GEMIN5: variants seen among roughly 807,000 people sequenced by gnomAD.
GEMIN5 encodes the protein gem-associated protein 5.
In GEMIN5, 124 loss-of-function variants were observed where a neutral mutation model predicts 176.9. The observed-to-expected ratio is 0.70, with a 90% CI of 0.61 to 0.81. GEMIN5 has a LOEUF of 0.81. Among genes scored for constraint, GEMIN5 ranks in the 40% least tolerant of loss-of-function variants. GEMIN5 has a pLI of 0.00. For synonymous variants in GEMIN5, 673 were observed against 665.2 expected, an observed-to-expected ratio of 1.01 and a Z score of -0.18; for missense variants, 1,843 against 1,814.6, an observed-to-expected ratio of 1.02 and a Z score of -0.28.
Position 154,889,427 on chromosome 5 carries a change from A to C in GEMIN5, c.4263-10T>G, listed in dbSNP as rs577227116. The stretch of plus-strand genomic sequence containing the variant: ...ATTTTTTTCTTCTTTACTAGTGAAA[A>C]AAATAAAAGGTGTAAATTGTATGTC... On this transcript the variant is annotated splice_polypyrimidine_tract_variant and intron_variant, in intron 26 of 27. Transcript: ENST00000285873. 26 of 1,503,244 alleles carry C rather than the reference A, an allele frequency of 1.7e-5. 1 individual carries two copies. In the South Asian group the frequency reaches 2.8e-4, roughly 16 times the overall value. The allele number at this position is 1,503,244 out of a possible 1,614,324, so 93.1% of individuals were successfully genotyped here. A position where few individuals can be genotyped will look rare whatever the true frequency, so the allele number is the denominator to read the frequency against.
chr5:154,902,621 C>A lies in GEMIN5; in HGVS notation c.2784G>T (p.Trp928Cys), dbSNP rs149158951. 2.9e-5 allele frequency: 47 copies of A among 1,613,898 alleles called. No individual in the cohort carries two copies. The highest frequency in any genetic ancestry group is 3.6e-5 in the Non-Finnish European group (42 of 1,179,884). ...HPELFHQLML[W>C]KGDLKGVLQT... The stretch of plus-strand genomic sequence containing the variant: ...GGAGAACACCTTTGAGATCTCCTTT[C>A]CAAAGCATAAGCTGGTGAAATAACT... The change falls in exon 20 of 28, where the codon TGG (tryptophan) becomes TGT (cysteine). Residue 928 changes from tryptophan (W) to cysteine (C), a missense_variant. Physicochemically the swap from Trp to Cys is radical, Grantham distance 215. Coordinates refer to ENST00000285873, the MANE Select transcript of GEMIN5 (RefSeq NM_015465.5).
At chr5:154,910,941 G>A (rs555948262) in intron 15 of GEMIN5, among the ~76,000 whole-genome samples, 2 of 151,612 alleles carry the variant, frequency 1.3e-5, no homozygotes, top group Non-Finnish European at 2.9e-5. Flanking sequence ...CTTGTGATCC[G>A]CCCATCTCGG....
In GEMIN5 at chr5:154,931,672, TC is replaced by T. The variant is rs555237961; in HGVS notation, c.662-96del. The T allele has an allele frequency of 3.1e-5, 32 of 1,017,168 alleles. No individual in the cohort carries two copies. In the South Asian group the frequency reaches 4.7e-4, roughly 15 times the overall value. The allele number at this position is 1,017,168 out of a possible 1,614,324, so 63.0% of individuals were successfully genotyped here. A position where few individuals can be genotyped will look rare whatever the true frequency, so the allele number is the denominator to read the frequency against. On this transcript the variant is annotated intron_variant, in intron 4 of 27. Coordinates refer to ENST00000285873, the MANE Select transcript of GEMIN5 (RefSeq NM_015465.5). The stretch of plus-strand genomic sequence containing the variant: ...CAAGAGTTTCCAAAACTTAGCTATC[TC>T]TTTCATAGGTCTGAACTATAAAATT...
At chr5:154,930,654 A>C (rs1764141570) in intron 5 of GEMIN5, among the ~76,000 whole-genome samples, 2 of 152,196 alleles carry the variant, frequency 1.3e-5, no homozygotes, top group Non-Finnish European at 2.9e-5. Context: ...AAAATCATAG[A>C]GCTGAAAGCA....
At chr5:154,896,753 T>C (rs1276225948) in intron 23 of GEMIN5, among the ~76,000 whole-genome samples, 1 of 152,142 alleles carries the variant, frequency 6.6e-6, no homozygotes. Flanking sequence ...CCAAAGGTGC[T>C]GGAATAGACA....
rs192531794 is a variant in GEMIN5 at position 154,921,522 on chromosome 5, A to G, written c.1380-97T>C. 7.6e-6 allele frequency: 5 copies of G among 661,526 alleles called. No individual in the cohort carries two copies. In the South Asian group the frequency reaches 9.0e-5, roughly 12 times the overall value. 41.0% of individuals were successfully genotyped at this position (661,526 alleles called of 1,614,324 possible). ...TTTCTAAAAGGTCCCCATTATAAACATAACTACTAATAATTGGAGAAAAAT... is the reference window on the plus strand; with the variant it reads ...TTTCTAAAAGGTCCCCATTATAAACGTAACTACTAATAATTGGAGAAAAAT... On this transcript the variant is annotated intron_variant, in intron 9 of 27. Transcript: ENST00000285873.
chr5:154,889,374 T>A lies in GEMIN5; in HGVS notation c.4306A>T (p.Lys1436Ter), dbSNP rs1159643385. The change falls in exon 27 of 28, where the codon AAA becomes TAA. Residue 1436 changes from lysine (K) to a stop codon, truncating the protein, a stop_gained. Transcript: ENST00000285873. LOFTEE classifies it high-confidence loss of function. ...CTCTGATTTGCCTCGGTAAGCCTTT[T>A]GGTTAACTCAGGCAGAGAAAGTGGC... ...NEPLSLPELTKRLTEANQRMA... is the reference protein window; with the variant it reads ...NEPLSLPELT 1 of 1,611,312 alleles carries A rather than the reference T, an allele frequency of 6.2e-7. No homozygotes were observed. The highest frequency in any genetic ancestry group is 1.1e-5 in the South Asian group (1 of 91,018).
intron 14 of GEMIN5, among the ~76,000 whole-genome samples, chr5:154,912,286 C>A (rs770904372): frequency 6.6e-6 from 1 of 152,204 alleles, no homozygotes; most frequent in South Asian, 2.1e-4. Flanking sequence ...TTGTCTCCAA[C>A]TCCTTGAGTA....
Position 154,925,865 on chromosome 5 carries a change from T to C in GEMIN5, c.1290A>G (p.Thr430=), listed in dbSNP as rs764015869. 9 of 1,590,412 alleles carry C rather than the reference T, an allele frequency of 5.7e-6. No homozygotes were observed. The highest frequency in any genetic ancestry group is 4.4e-5 in the South Asian group (4 of 90,302). Residue 430 remains threonine (T), a synonymous_variant, in exon 8 of 28, where the codon ACA becomes ACG. Coordinates refer to ENST00000285873, the MANE Select transcript of GEMIN5 (RefSeq NM_015465.5). ...NFWQGVKSKV[T]ALCWHPTKEG... Reference sequence around the variant, plus strand: ...AGCTCAAAAAAAGAATCCTTACCGCTGTAACCTTGGACTTCACGCCTTGCC... The same window carrying C: ...AGCTCAAAAAAAGAATCCTTACCGCCGTAACCTTGGACTTCACGCCTTGCC...
intron 13 of GEMIN5, among the ~76,000 whole-genome samples, chr5:154,913,641 C>A (rs1171762816): frequency 6.6e-6 from 1 of 151,860 alleles, no homozygotes; most frequent in Non-Finnish European, 1.5e-5. Context: ...CTGTGGAAAC[C>A]CTGACTCTAA....
chr5:154,932,147 G>C lies in GEMIN5; in HGVS notation c.613C>G (p.Pro205Ala). Residue 205 changes from proline (P) to alanine (A), a missense_variant, in exon 4 of 28, where the codon CCC (proline) becomes GCC (alanine). Pro to Ala is a conservative substitution (Grantham distance 27). Coordinates refer to ENST00000285873, the MANE Select transcript of GEMIN5 (RefSeq NM_015465.5). ...DDEIHSIAWCPLPGEDCLSIN... is the reference protein window; with the variant it reads ...DDEIHSIAWCALPGEDCLSIN... ...GATAAACAATCTTCACCAGGCAGGG[G>C]ACACCAGGCTATGGAGTGGATTTCA... The C allele has an allele frequency of 1.9e-6, 3 of 1,613,544 alleles. No homozygotes were observed. Among genetic ancestry groups the C allele is most frequent in the Non-Finnish European group, 2.5e-6 (3 of 1,179,434 alleles).
In GEMIN5 at chr5:154,905,372, CT is replaced by C; in HGVS notation, c.2499del (p.Glu834ArgfsTer6). The stretch of plus-strand genomic sequence containing the variant: ...ATTACTAGATACCAACCTGGCTTCT[CT>C]TTTGGTGGCTCCTTTTTCAGTAAAA... ...KVILLKKEPP[K>X]EKPETLIKKR... On this transcript the variant is annotated frameshift_variant, in exon 17 of 28. Coordinates refer to ENST00000285873, the MANE Select transcript of GEMIN5 (RefSeq NM_015465.5). LOFTEE classifies it high-confidence loss of function. 1.9e-6 allele frequency: 3 copies of C among 1,574,224 alleles called. No individual in the cohort carries two copies. Among genetic ancestry groups the C allele is most frequent in the Non-Finnish European group, 2.6e-6 (3 of 1,149,726 alleles).
Position 154,932,105 on chromosome 5 carries a change from T to C in GEMIN5, c.655A>G (p.Thr219Ala), listed in dbSNP as rs150536772. Residue 219 changes from threonine to alanine, a missense_variant, in exon 4 of 28, where the codon ACT (threonine) becomes GCT (alanine). Physicochemically the swap from Thr to Ala is moderately conservative, Grantham distance 58. Transcript: ENST00000285873. ...EDCLSINQEE[T>A]SEEAEITNGN... ...TCCCTTAAACCATCTCTACCTGAAG[T>C]TTCCTCTTGGTTTATAGATAAACAA... 12 of 1,612,362 alleles carry C rather than the reference T, an allele frequency of 7.4e-6. No homozygotes were observed. The East Asian group carries it at 2.7e-4, about 36-fold the overall frequency.
intron 13 of GEMIN5, 136 bp from the exon 14 acceptor site, chr5:154,913,174 T>TG (rs1763739738): frequency 5.7e-6 from 4 of 707,342 alleles, no homozygotes; most frequent in Non-Finnish European, 8.9e-6. Flanking sequence ...TTTTTTGAGA[T>TG]GGAGTTTCGC....
rs1764287840 is a variant in GEMIN5 at position 154,937,201 on chromosome 5, G to A, written c.167-16C>T. On this transcript the variant is annotated splice_polypyrimidine_tract_variant and intron_variant, in intron 1 of 27. Coordinates refer to ENST00000285873, the MANE Select transcript of GEMIN5 (RefSeq NM_015465.5). Reference sequence around the variant, plus strand: ...TCTCCTATGACTTTAAGCAAAACCAGACGCTAGGTTAATCGAAGTGCTATC... The same window carrying A: ...TCTCCTATGACTTTAAGCAAAACCAAACGCTAGGTTAATCGAAGTGCTATC... 3 of 1,583,288 alleles carry A rather than the reference G, an allele frequency of 1.9e-6. No homozygotes were observed. Among genetic ancestry groups the A allele is most frequent in the Admixed American group, 1.8e-5 (1 of 56,480 alleles).
chr5:154,905,299 G>T, intron 17 of GEMIN5, 64 bp downstream of exon 17: 1 of 701,688 alleles, frequency 1.4e-6, no homozygotes, highest in Non-Finnish European at 2.5e-6. Flanking sequence ...ACAGTTGCGT[G>T]TAATATATGT....
At chr5:154,894,851 G>A (rs991022901) in intron 24 of GEMIN5, among the ~76,000 whole-genome samples, 1 of 151,882 alleles carries the variant, frequency 6.6e-6, no homozygotes, top group Non-Finnish European at 1.5e-5. Context: ...AGATTGCAGT[G>A]AGCCAAGATC....
chr5:154,913,012 T>C lies in GEMIN5; in HGVS notation c.1882A>G (p.Ile628Val), dbSNP rs1763735166. Residue 628 changes from isoleucine to valine, a missense_variant, in exon 14 of 28, where the codon ATT (isoleucine) becomes GTT (valine). Coordinates refer to ENST00000285873, the MANE Select transcript of GEMIN5 (RefSeq NM_015465.5). ...GAGAGGGTCCGGTAGGGCTCTGTAA[T>C]GGTCACTGGAGACTCAGGGCTGCTC... ...IESSPESPVT[I>V]TEPYRTLSGH... 1 of 1,613,658 alleles carries C rather than the reference T, an allele frequency of 6.2e-7. No individual in the cohort carries two copies. The highest frequency in any genetic ancestry group is 8.5e-7 in the Non-Finnish European group (1 of 1,179,698).
chr5:154,934,937 T>C (rs1199939934), intron 3 of GEMIN5, among the ~76,000 whole-genome samples: 2 of 151,200 alleles, frequency 1.3e-5, no homozygotes, highest in Non-Finnish European at 2.9e-5. Flanking sequence ...AATACCAGAA[T>C]AGAACACCTT....
Sources: gnomAD v4.1 joint callset for allele counts (sites outside exome capture counted in the v4.1 genomes callset) on GRCh38, gnomAD v4.1.1 for gene constraint, MANE v1.5 for transcripts, NCBI Gene and HGNC (gene_info 2026-07-23, HGNC 2026-07-21) for gene names.